Variants in SH3BGR observed in about 807,000 individuals in gnomAD.
SH3BGR encodes SH3 domain binding glutamate rich protein.
A neutral mutation model predicts 24.5 loss-of-function variants in SH3BGR; 29 were observed. The observed-to-expected ratio is 1.18, with a 90% CI of 0.88 to 1.61. SH3BGR has a LOEUF of 1.61. Ranked by LOEUF, SH3BGR falls within the 40% of genes most tolerant of loss-of-function variation. The pLI is 0.00. For missense variants in SH3BGR, 162 were observed against 205.8 expected (o/e 0.79, Z 1.30); for synonymous variants, 55 against 65.7 (o/e 0.84, Z 0.79).
chr21:39,458,160 GT>G (rs1404577944), intron 1 of SH3BGR, among the ~76,000 whole-genome samples: 2 of 152,078 alleles, frequency 1.3e-5, no homozygotes, highest in African/African-American at 4.8e-5. Context: ...TCAAAGTGTA[GT>G]CCTTCTTGTA....
At chr21:39,454,689 T>C (rs2837040) in intron 1 of SH3BGR, among the ~76,000 whole-genome samples, 27,523 of 152,212 alleles carry the variant, frequency 0.18, 2,618 homozygotes, top group Middle Eastern at 0.27. Context: ...TCCATTTTGA[T>C]TGACAGTGTA....
At chr21:39,474,603 C>T (rs534971931) in intron 2 of SH3BGR, among the ~76,000 whole-genome samples, 1 of 152,276 alleles carries the variant, frequency 6.6e-6, no homozygotes, top group East Asian at 1.9e-4. Flanking sequence ...TTTCAATCCA[C>T]TACCAAGTTT....
chr21:39,505,736 G>A (rs1395899489), intron 4 of SH3BGR, among the ~76,000 whole-genome samples: 1 of 152,070 alleles, frequency 6.6e-6, no homozygotes, highest in Non-Finnish European at 1.5e-5. Context: ...TTGCACTCCA[G>A]TCTGGGCAAC....
At chr21:39,481,085 T>C (rs754139685) in intron 3 of SH3BGR, among the ~76,000 whole-genome samples, 143 of 152,252 alleles carry the variant, frequency 9.4e-4, no homozygotes, top group Non-Finnish European at 1.5e-3. Context: ...CTAATTGTTA[T>C]ATTGTATGAA....
chr21:39,454,801 T>C (rs969728782), intron 1 of SH3BGR, among the ~76,000 whole-genome samples: 1 of 152,188 alleles, frequency 6.6e-6, no homozygotes, highest in Non-Finnish European at 1.5e-5. Context: ...AAAATAGCCA[T>C]CCAAATACCT....
At chr21:39,490,719 C>T (rs35076609) in intron 3 of SH3BGR, among the ~76,000 whole-genome samples, 17 of 148,672 alleles carry the variant, frequency 1.1e-4, no homozygotes, top group Non-Finnish European at 2.4e-4. Context: ...TTGGAGACAG[C>T]ATCTGATTGG....
At chr21:39,510,398 TACACACACAC>T (rs34806393) in intron 5 of SH3BGR, among the ~76,000 whole-genome samples, 10 of 111,686 alleles carry the variant, frequency 9.0e-5, no homozygotes, top group African/African-American at 2.9e-4. Flanking sequence ...ACACTGTAGC[TACACACACAC>T]ACACACACAC....
intron 3 of SH3BGR, among the ~76,000 whole-genome samples, chr21:39,492,417 C>T (rs2078314419): frequency 6.7e-6 from 1 of 150,230 alleles, no homozygotes; most frequent in African/African-American, 2.5e-5. Flanking sequence ...TAATTCATTC[C>T]TTTTTATGGC....
At chr21:39,499,964 G>C (rs769233548) in intron 4 of SH3BGR, 49 bp downstream of exon 4, 1 of 1,351,162 alleles carries the variant, frequency 7.4e-7, no homozygotes, top group Non-Finnish European at 1.1e-6. Context: ...TCTGCTGTTC[G>C]AGACTTTTAC....
At chr21:39,479,252 G>GATGGTA in intron 3 of SH3BGR, among the ~76,000 whole-genome samples, 1 of 151,168 alleles carries the variant, frequency 6.6e-6, no homozygotes, top group Non-Finnish European at 1.5e-5. Flanking sequence ...TGGTGGTGGT[G>GATGGTA]GTGGTGATGG....
At chr21:39,477,303 C>T (rs2078043035) in intron 3 of SH3BGR, among the ~76,000 whole-genome samples, 1 of 151,832 alleles carries the variant, frequency 6.6e-6, no homozygotes, top group Non-Finnish European at 1.5e-5. Context: ...AATTTTTGTT[C>T]ATTTATTTAT....
rs973677506 is a variant in SH3BGR at position 39,479,224 on chromosome 21, G to GGGT, written c.312+4041_312+4043dup. On this transcript the variant is annotated intron_variant, in intron 3 of 6. Coordinates refer to ENST00000333634, the MANE Select transcript of SH3BGR (RefSeq NM_007341.3). ...GTGGTGGTGGTGGTGGAGGTGGTAA[G>GGGT]GGTGGTGGTGGTGGTGGTGGTGGTG... 3.2e-3 allele frequency among the ~76,000 whole-genome samples: 435 copies of GGGT among 137,656 alleles called. 1 individual carries two copies. Among genetic ancestry groups the GGGT allele is most frequent in the African/African-American group, 0.01 (317 of 30,772 alleles). 90.3% of individuals were successfully genotyped at this position (137,656 alleles called of 152,430 possible). A position where few individuals can be genotyped will look rare whatever the true frequency, so the allele number is the denominator to read the frequency against.
upstream of SH3BGR, among the ~76,000 whole-genome samples, chr21:39,447,305 T>TA (rs1453256004): frequency 1.3e-5 from 2 of 151,980 alleles, no homozygotes; most frequent in Non-Finnish European, 2.9e-5. Flanking sequence ...AATTGAAAGG[T>TA]AGAGTTTCCT....
chr21:39,488,162 T>G (rs549171046), intron 3 of SH3BGR, among the ~76,000 whole-genome samples: 1 of 152,224 alleles, frequency 6.6e-6, no homozygotes, highest in Non-Finnish European at 1.5e-5. Flanking sequence ...CTGGAAATTT[T>G]GACTAAGCCC....
intron 3 of SH3BGR, among the ~76,000 whole-genome samples, chr21:39,489,004 A>G (rs563576517): frequency 6.6e-6 from 1 of 152,364 alleles, no homozygotes; most frequent in South Asian, 2.1e-4. Context: ...AAGATGAGCA[A>G]CAGAGAGAAT....
At chr21:39,473,960 T>G (rs1040883231) in intron 2 of SH3BGR, among the ~76,000 whole-genome samples, 6 of 151,298 alleles carry the variant, frequency 4.0e-5, no homozygotes, top group African/African-American at 1.5e-4. Flanking sequence ...CTGTATTTGG[T>G]GTTAAGATTT....
intron 3 of SH3BGR, among the ~76,000 whole-genome samples, chr21:39,491,174 A>ATTTAT (rs1555913340): frequency 2.7e-5 from 4 of 150,584 alleles, no homozygotes; most frequent in Non-Finnish European, 4.4e-5. Flanking sequence ...TTATTTATTT[A>ATTTAT]TTTATTTTAT....
rs182358500 is a variant in SH3BGR at position 39,464,829 on chromosome 21, A to G, written c.231+2269A>G. On this transcript the variant is annotated intron_variant, in intron 2 of 6. Coordinates refer to ENST00000333634, the MANE Select transcript of SH3BGR (RefSeq NM_007341.3). ...GCTCTTGTTGGATAAGGAAAGGGAT[A>G]ATATTTTTTTAGGGGGGATGGTGGT... 2.3e-3 allele frequency among the ~76,000 whole-genome samples: 348 copies of G among 152,264 alleles called. 1 individual carries two copies. The highest frequency in any genetic ancestry group is 6.1e-3 in the Admixed American group (94 of 15,286).
intron 4 of SH3BGR, among the ~76,000 whole-genome samples, chr21:39,508,086 G>C (rs1351759567): frequency 1.3e-5 from 2 of 152,194 alleles, no homozygotes; most frequent in Non-Finnish European, 2.9e-5. Flanking sequence ...TGTGGCCTCA[G>C]TGTCCTCATC....
Sources: gnomAD v4.1 joint callset for allele counts (sites outside exome capture counted in the v4.1 genomes callset) on GRCh38, gnomAD v4.1.1 for gene constraint, MANE v1.5 for transcripts, NCBI Gene and HGNC (gene_info 2026-07-23, HGNC 2026-07-21) for gene names.